The following DDX60 variants were observed in gnomAD, a reference collection of about 807,000 sequenced individuals.
DDX60 encodes probable ATP-dependent RNA helicase DDX60.
Under a neutral mutation model 212.8 loss-of-function variants are expected in DDX60, and 165 were observed. The ratio of observed to expected loss-of-function variants is 0.78; its 90% CI spans 0.68 to 0.88. DDX60 has a LOEUF of 0.88. Ranked by LOEUF, DDX60 falls within the 40% of genes least tolerant of loss-of-function variation. DDX60 has a pLI of 0.00. For missense variants in DDX60, 1,905 were observed against 2,003.9 expected (o/e 0.95, Z 0.94); for synonymous variants, 703 against 685.3 (o/e 1.03, Z -0.40).
chr4:168,320,759 T>C (rs1013808936), upstream of DDX60, among the ~76,000 whole-genome samples: 1 of 152,236 alleles, frequency 6.6e-6, no homozygotes, highest in African/African-American at 2.4e-5. Flanking sequence ...GCTAATACCA[T>C]ATCAATGATC....
intron 12 of DDX60, among the ~76,000 whole-genome samples, chr4:168,284,536 T>C (rs1171305605): frequency 6.6e-6 from 1 of 152,180 alleles, no homozygotes; most frequent in Non-Finnish European, 1.5e-5. Context: ...TCAATATATA[T>C]GACTCCAAGG....
At chr4:168,258,091 GCT>G (rs1489311535) in intron 25 of DDX60, among the ~76,000 whole-genome samples, 1 of 152,178 alleles carries the variant, frequency 6.6e-6, no homozygotes, top group Non-Finnish European at 1.5e-5. Context: ...CCGCCTTCAT[GCT>G]CTCTCAGCTC....
At chr4:168,260,143 C>A (rs2149510887) in intron 25 of DDX60, among the ~76,000 whole-genome samples, 1 of 151,896 alleles carries the variant, frequency 6.6e-6, no homozygotes, top group Admixed American at 6.6e-5. Flanking sequence ...ACTTTAAGTT[C>A]TAGGGTACAT....
intron 30 of DDX60, among the ~76,000 whole-genome samples, chr4:168,239,175 A>T (rs1186328966): frequency 1.3e-5 from 2 of 152,196 alleles, no homozygotes; most frequent in Non-Finnish European, 2.9e-5. Context: ...AACAAACATT[A>T]TTGGCCTTGG....
chr4:168,221,661 T>A, intron 36 of DDX60, 69 bp downstream of exon 36: 1 of 1,470,054 alleles, frequency 6.8e-7, no homozygotes, highest in Admixed American at 2.0e-5. Context: ...TCCTTAAAAT[T>A]CATTAAATTA....
At chr4:168,242,294 G>C (rs115417886) in intron 30 of DDX60, among the ~76,000 whole-genome samples, 8,897 of 152,260 alleles carry the variant, frequency 0.058, 446 homozygotes, top group East Asian at 0.15. Flanking sequence ...GCCTATTGGA[G>C]CTGTGAGAAG....
chr4:168,248,703 T>C (rs942101193), intron 28 of DDX60, among the ~76,000 whole-genome samples: 1 of 152,206 alleles, frequency 6.6e-6, no homozygotes, highest in Admixed American at 6.5e-5. Flanking sequence ...CCAAGCAAGA[T>C]TCATTATTGT....
At chr4:168,290,359 C>G (rs183089347) in intron 8 of DDX60, among the ~76,000 whole-genome samples, 1 of 144,748 alleles carries the variant, frequency 6.9e-6, no homozygotes. Flanking sequence ...GACGGAGCCT[C>G]GCTCTGTCAC....
chr4:168,221,646 T>C (rs925518743), intron 36 of DDX60, 84 bp downstream of exon 36: 3 of 1,427,582 alleles, frequency 2.1e-6, no homozygotes, highest in African/African-American at 2.8e-5. Flanking sequence ...TGTAATGAGG[T>C]TTCTTCCTTA....
chr4:168,317,098 A>T (rs918805064), intron 1 of DDX60, among the ~76,000 whole-genome samples: 7 of 151,582 alleles, frequency 4.6e-5, no homozygotes, highest in African/African-American at 1.7e-4. Flanking sequence ...AAAAAAAGAA[A>T]ACCTGAATCT....
Position 168,292,049 on chromosome 4 carries a change from C to CCTTT in DDX60, c.883-144_883-143insAAAG, listed in dbSNP as rs1553970663. 1,194 of 303,504 alleles carry CCTTT rather than the reference C, an allele frequency of 3.9e-3. 11 individuals are homozygous for CCTTT. The highest frequency in any genetic ancestry group is 0.028 in the African/African-American group (964 of 34,990). 18.8% of individuals were successfully genotyped at this position (303,504 alleles called of 1,614,324 possible). On this transcript the variant is annotated intron_variant, in intron 7 of 37. Coordinates refer to ENST00000393743, the MANE Select transcript of DDX60 (RefSeq NM_017631.6). ...CCTTTCTTTCTTTCTTTCTTTCTTT[C>CCTTT]TTTTTTTTTTTTTTTTTGAGACAGA... is the stretch of plus-strand genomic sequence containing the variant.
At chr4:168,300,968 T>C (rs1310093543) in intron 6 of DDX60, among the ~76,000 whole-genome samples, 1 of 151,950 alleles carries the variant, frequency 6.6e-6, no homozygotes, top group Non-Finnish European at 1.5e-5. Context: ...TCAGGGGGAG[T>C]GATGGTTGAA....
At chr4:168,292,379 ACTTTC>A (rs1736150539) in intron 7 of DDX60, among the ~76,000 whole-genome samples, 1 of 151,952 alleles carries the variant, frequency 6.6e-6, no homozygotes, top group Non-Finnish European at 1.5e-5. Flanking sequence ...ATTTTTTAAG[ACTTTC>A]CTTTTCTTTA....
intron 12 of DDX60, among the ~76,000 whole-genome samples, chr4:168,284,303 T>C (rs1735724239): frequency 6.6e-6 from 1 of 152,302 alleles, no homozygotes; most frequent in Admixed American, 6.5e-5. Context: ...GAGTAAGTTT[T>C]GTCAACTCTA....
At chr4:168,268,234 T>G (rs1231648715) in intron 20 of DDX60, among the ~76,000 whole-genome samples, 1 of 152,196 alleles carries the variant, frequency 6.6e-6, no homozygotes, top group African/African-American at 2.4e-5. Context: ...ATATTGGAAC[T>G]GTGACTATTT....
At chr4:168,218,795 AATACTATTTCT>A (rs1235015311) in intron 37 of DDX60, among the ~76,000 whole-genome samples, 1 of 152,106 alleles carries the variant, frequency 6.6e-6, no homozygotes, top group African/African-American at 2.4e-5. Context: ...GTACTTTGAA[AATACTATTTCT>A]TCTTCCCCAT....
intron 6 of DDX60, among the ~76,000 whole-genome samples, chr4:168,297,802 G>A (rs1174284345): frequency 1.3e-5 from 2 of 151,944 alleles, no homozygotes; most frequent in African/African-American, 4.8e-5. Flanking sequence ...AGGCTGAGGG[G>A]GAAGAATTGC....
chr4:168,255,883 G>C lies in DDX60; in HGVS notation c.3399-14C>G. The C allele has an allele frequency of 1.3e-6, 2 of 1,567,644 alleles. No homozygotes were observed. The highest frequency in any genetic ancestry group is 1.7e-6 in the Non-Finnish European group (2 of 1,165,604). ...CCTAACTTGAATCTGGAAATAAAAA[G>C]AATGTGCGCCTTGAAAATAACATCA... On this transcript the variant is annotated splice_polypyrimidine_tract_variant and intron_variant, in intron 25 of 37. Transcript: ENST00000393743.
At chr4:168,298,944 T>C (rs1736526911) in intron 6 of DDX60, among the ~76,000 whole-genome samples, 1 of 151,902 alleles carries the variant, frequency 6.6e-6, no homozygotes, top group Non-Finnish European at 1.5e-5. Flanking sequence ...GGGCAGATCA[T>C]GAGGTCAAGA....
Sources: allele counts gnomAD v4.1 joint callset (sites outside exome capture counted in the v4.1 genomes callset), GRCh38; gene constraint gnomAD v4.1.1; transcripts MANE v1.5; gene names NCBI Gene and HGNC (gene_info 2026-07-23, HGNC 2026-07-21).